MTSS1: variants seen among roughly 807,000 people sequenced by gnomAD.
MTSS1 encodes MTSS I-BAR domain containing 1.
A neutral mutation model predicts 79.0 loss-of-function variants in MTSS1; 18 were observed. The observed-to-expected ratio is 0.23, with a 90% CI of 0.16 to 0.34. MTSS1 has a LOEUF of 0.34. Ranked by LOEUF, MTSS1 falls within the 10% of genes least tolerant of loss-of-function variation. MTSS1 has a pLI of 1.00. For missense variants in MTSS1, 815 were observed against 986.2 expected (o/e 0.83, Z 2.33); for synonymous variants, 341 against 368.6 (o/e 0.93, Z 0.86).
At chr8:124,699,283 C>G (rs945825435) in intron 3 of MTSS1, 3 of 503,726 alleles carry the variant, frequency 6.0e-6, no homozygotes, top group African/African-American at 5.8e-5. Context: ...CCCATCAAGC[C>G]AACTCGTGCA....
intron 3 of MTSS1, among the ~76,000 whole-genome samples, chr8:124,639,328 A>T (rs2133958904): frequency 1.3e-5 from 2 of 152,326 alleles, no homozygotes; most frequent in South Asian, 4.1e-4. Flanking sequence ...ACAAAGCAAG[A>T]CTCCATCTCC....
chr8:124,596,656 G>A (rs975733287), intron 3 of MTSS1, among the ~76,000 whole-genome samples: 12 of 152,210 alleles, frequency 7.9e-5, no homozygotes, highest in African/African-American at 2.9e-4. Flanking sequence ...CTGGCTTAAA[G>A]CAACCGTAGT....
intron 3 of MTSS1, among the ~76,000 whole-genome samples, chr8:124,619,106 T>C (rs748828613): frequency 2.0e-5 from 3 of 152,252 alleles, no homozygotes; most frequent in South Asian, 4.1e-4. Flanking sequence ...GAACTGTAAG[T>C]GTTCTTTTAA....
intron 3 of MTSS1, among the ~76,000 whole-genome samples, chr8:124,632,999 C>T (rs1816293023): frequency 6.6e-6 from 1 of 151,928 alleles, no homozygotes; most frequent in African/African-American, 2.4e-5. Flanking sequence ...CCATACATAT[C>T]ATACATAAGG....
At chr8:124,554,687 C>G (rs981055295) in intron 13 of MTSS1, among the ~76,000 whole-genome samples, 7 of 152,184 alleles carry the variant, frequency 4.6e-5, no homozygotes, top group Non-Finnish European at 7.3e-5. Flanking sequence ...TAGGTTCAAA[C>G]TCCAGTTCTA....
chr8:124,599,496 A>G, intron 3 of MTSS1, among the ~76,000 whole-genome samples: 1 of 151,546 alleles, frequency 6.6e-6, no homozygotes, highest in Admixed American at 6.6e-5. Context: ...AAAAAAAAAA[A>G]AAAAAAGAGA....
rs1366593885 is a variant in MTSS1 at position 124,599,501 on chromosome 8, A to AAG, written c.209-8268_209-8267dup. Among the ~76,000 whole-genome samples, 298 of 144,810 alleles carry AAG rather than the reference A, an allele frequency of 2.1e-3. 7 individuals are homozygous for AAG. The highest frequency in any genetic ancestry group is 3.7e-3 in the African/African-American group (139 of 37,954). On this transcript the variant is annotated intron_variant, in intron 3 of 13. Coordinates refer to ENST00000518547, the MANE Select transcript of MTSS1 (RefSeq NM_014751.6). ...CCGTCTCAAAAAAAAAAAAAAAAAA[A>AAG]AGAGAGAGAGAAAGAAAAAGAAAAA...
chr8:124,614,832 T>C (rs1836539592), intron 3 of MTSS1, among the ~76,000 whole-genome samples: 1 of 152,188 alleles, frequency 6.6e-6, no homozygotes, highest in African/African-American at 2.4e-5. Context: ...TTTTATGTGT[T>C]TACTAAATCA....
intron 6 of MTSS1, among the ~76,000 whole-genome samples, chr8:124,573,295 C>T (rs1828248084): frequency 6.6e-6 from 1 of 152,240 alleles, no homozygotes; most frequent in Non-Finnish European, 1.5e-5. Context: ...ACCTTTTATC[C>T]TACAGGTCTC....
At chr8:124,556,609 C>T (rs1159621460) in intron 11 of MTSS1, 1 of 603,276 alleles carries the variant, frequency 1.7e-6, no homozygotes, top group African/African-American at 1.8e-5. Context: ...CTGTGTACCT[C>T]CCTTTTCCTC....
chr8:124,723,620 T>C (rs187779402), intron 1 of MTSS1, among the ~76,000 whole-genome samples: 1 of 151,784 alleles, frequency 6.6e-6, no homozygotes, highest in South Asian at 2.1e-4. Context: ...ATAGAAGAGG[T>C]CCTAAATCTC....
chr8:124,683,927 G>GA lies in MTSS1; in HGVS notation c.208+15598dup, dbSNP rs1563992043. ...TTTCCATTATCAAACCAAGGAGACC[G>GA]AAAAAGTGACCTGGGCCATAGGATT... On this transcript the variant is annotated intron_variant, in intron 3 of 13. Transcript: ENST00000518547. This position sits in a 1 kb window ranked among gnomAD's most constrained non-coding sequence, Gnocchi z 4.5. 6.6e-6 allele frequency among the ~76,000 whole-genome samples: 1 copy of GA among 152,072 alleles called. No homozygotes were observed. Among genetic ancestry groups the GA allele is most frequent in the African/African-American group, 2.4e-5 (1 of 41,402 alleles).
rs762286207 is a variant in MTSS1 at position 124,553,262 on chromosome 8, G to A, written c.1998C>T (p.Ser666=). 2.2e-5 allele frequency: 36 copies of A among 1,613,994 alleles called. 1 individual carries two copies. The highest frequency in any genetic ancestry group is 2.1e-4 in the South Asian group (19 of 91,094). The change falls in exon 14 of 14, where the codon AGC becomes AGT. Residue 666 remains serine (S), a synonymous_variant. Transcript: ENST00000518547. The surrounding 1 kb of genome is among the most constrained non-coding windows in gnomAD (Gnocchi z 6.0). ...GVTSMPSSMW[S]GQASVNPPLP... ...GTGGAGGGTTAACGGAAGCTTGGCC[G>A]CTCCACATTGAGGAGGGCATGCTGG...
At chr8:124,709,280 C>T (rs1830815741) in intron 1 of MTSS1, among the ~76,000 whole-genome samples, 1 of 152,112 alleles carries the variant, frequency 6.6e-6, no homozygotes, top group Non-Finnish European at 1.5e-5. Flanking sequence ...CATCTGCATC[C>T]ACCCACCAAG....
intron 3 of MTSS1, among the ~76,000 whole-genome samples, chr8:124,684,781 C>T (rs1587795655): frequency 6.6e-6 from 1 of 151,960 alleles, no homozygotes; most frequent in South Asian, 2.1e-4. Context: ...GTAGAAAACC[C>T]CTTGAAAAAA....
intron 5 of MTSS1, among the ~76,000 whole-genome samples, chr8:124,585,908 CAGG>C (rs780133362): frequency 5.3e-5 from 8 of 152,274 alleles, no homozygotes; most frequent in Non-Finnish European, 7.3e-5. Flanking sequence ...TCTCATACAG[CAGG>C]AGAAGCTAGA....
At chr8:124,688,000 C>T (rs1029728305) in intron 3 of MTSS1, among the ~76,000 whole-genome samples, 2 of 152,176 alleles carry the variant, frequency 1.3e-5, no homozygotes, top group African/African-American at 4.8e-5. Flanking sequence ...AAGTACCACC[C>T]GGGCGGCTGG....
At chr8:124,717,071 C>T (rs1293402252) in intron 1 of MTSS1, among the ~76,000 whole-genome samples, 1 of 151,900 alleles carries the variant, frequency 6.6e-6, no homozygotes, top group Non-Finnish European at 1.5e-5. Context: ...TGCCTCAGGG[C>T]TTCTGCACAT....
intron 3 of MTSS1, among the ~76,000 whole-genome samples, chr8:124,622,414 C>T (rs1043605191): frequency 2.0e-5 from 3 of 148,716 alleles, no homozygotes; most frequent in Non-Finnish European, 3.0e-5. Context: ...ATGAGGACTC[C>T]TAGTCAACAA....
Sources: allele counts gnomAD v4.1 joint callset (sites outside exome capture counted in the v4.1 genomes callset), GRCh38; gene constraint gnomAD v4.1.1; non-coding constraint Gnocchi (gnomAD v3.1); transcripts MANE v1.5; gene names NCBI Gene and HGNC (gene_info 2026-07-23, HGNC 2026-07-21).